Variants in ANKRD13C observed in about 807,000 individuals in gnomAD.
ANKRD13C encodes the protein ankyrin repeat domain-containing protein 13C.
ANKRD13C carries 16 observed loss-of-function variants against 65.5 expected under a neutral mutation model. The observed-to-expected ratio is 0.24, with a 90% CI of 0.17 to 0.37. The LOEUF is 0.37. Among genes scored for constraint, ANKRD13C ranks in the 10% least tolerant of loss-of-function variants. The pLI, the probability that ANKRD13C is intolerant of heterozygous loss-of-function variation, is 1.00. For synonymous variants in ANKRD13C, 235 were observed against 238.7 expected (o/e 0.98, Z 0.14); for missense variants, 503 against 655.9 (o/e 0.77, Z 2.55).
chr1:70,313,325 T>C (rs967790903), intron 5 of ANKRD13C, among the ~76,000 whole-genome samples: 2 of 152,042 alleles, frequency 1.3e-5, no homozygotes, highest in African/African-American at 4.8e-5. Context: ...GCCCAGGTGT[T>C]CTAGACCAGC....
At chr1:70,317,272 T>G (rs1004517931) in intron 3 of ANKRD13C, among the ~76,000 whole-genome samples, 1 of 152,192 alleles carries the variant, frequency 6.6e-6, no homozygotes, top group Non-Finnish European at 1.5e-5. Flanking sequence ...GGACCTAGTT[T>G]CAGTTCTACC....
At chr1:70,263,211 T>C (rs903761976) in intron 12 of ANKRD13C, among the ~76,000 whole-genome samples, 3 of 152,226 alleles carry the variant, frequency 2.0e-5, no homozygotes, top group African/African-American at 7.2e-5. Flanking sequence ...CTTCAGATTA[T>C]AGTATATTTA....
intron 3 of ANKRD13C, among the ~76,000 whole-genome samples, chr1:70,321,080 GA>G (rs1236906127): frequency 6.6e-6 from 1 of 152,122 alleles, no homozygotes; most frequent in Non-Finnish European, 1.5e-5. Flanking sequence ...GAAAAATTTT[GA>G]TTCTTGATAC....
chr1:70,320,187 G>T (rs1237262681), intron 3 of ANKRD13C, among the ~76,000 whole-genome samples: 2 of 152,210 alleles, frequency 1.3e-5, no homozygotes, highest in Admixed American at 1.3e-4. Context: ...AGACAAGGAA[G>T]TGATAGTATC....
intron 11 of ANKRD13C, among the ~76,000 whole-genome samples, chr1:70,272,283 T>C (rs1678921983): frequency 6.6e-6 from 1 of 151,750 alleles, no homozygotes; most frequent in Non-Finnish European, 1.5e-5. Flanking sequence ...TGGAGTGCAA[T>C]GGCGTGATGT....
intron 2 of ANKRD13C, among the ~76,000 whole-genome samples, chr1:70,326,273 T>G (rs970211072): frequency 1.5e-5 from 2 of 130,974 alleles, no homozygotes; most frequent in Admixed American, 8.0e-5. Context: ...AAGACAGCCA[T>G]CCATCCATTC....
intron 1 of ANKRD13C, among the ~76,000 whole-genome samples, chr1:70,343,506 G>A (rs747259280): frequency 6.6e-6 from 1 of 152,042 alleles, no homozygotes; most frequent in Admixed American, 6.6e-5. Context: ...TTGTTTTGTC[G>A]AACAAGTGAA....
chr1:70,322,973 A>T (rs146636434), intron 3 of ANKRD13C, among the ~76,000 whole-genome samples: 175 of 152,218 alleles, frequency 1.1e-3, no homozygotes, highest in African/African-American at 3.8e-3. Context: ...AGCCTGGGCA[A>T]CAAGGGTGGA....
intron 9 of ANKRD13C, among the ~76,000 whole-genome samples, chr1:70,278,925 G>A (rs1679260272): frequency 6.6e-6 from 1 of 152,106 alleles, no homozygotes; most frequent in South Asian, 2.1e-4. Context: ...TGCAGGTCAG[G>A]TGTGGTGCCT....
intron 5 of ANKRD13C, among the ~76,000 whole-genome samples, chr1:70,308,930 A>AT: frequency 6.6e-6 from 1 of 152,298 alleles, no homozygotes; most frequent in Admixed American, 6.5e-5. Context: ...TTACCTCAGC[A>AT]TAAGTTTAGC....
chr1:70,349,782 CAAG>C (rs989618826), intron 1 of ANKRD13C, among the ~76,000 whole-genome samples: 1 of 152,028 alleles, frequency 6.6e-6, no homozygotes, highest in African/African-American at 2.4e-5. Context: ...TAAATAAATA[CAAG>C]AAGGGATAGA....
chr1:70,325,214 A>G (rs1004518303), intron 2 of ANKRD13C, among the ~76,000 whole-genome samples: 1 of 152,158 alleles, frequency 6.6e-6, no homozygotes, highest in Admixed American at 6.6e-5. Context: ...CATGTTCCCT[A>G]ATAATTATTC....
chr1:70,339,226 C>G (rs868013476), intron 1 of ANKRD13C, among the ~76,000 whole-genome samples: 5 of 145,902 alleles, frequency 3.4e-5, no homozygotes, highest in African/African-American at 1.2e-4. Flanking sequence ...AAAAAAAAAG[C>G]AAACAAACTT....
intron 12 of ANKRD13C, among the ~76,000 whole-genome samples, chr1:70,265,255 G>C (rs1329962347): frequency 2.0e-5 from 3 of 152,134 alleles, no homozygotes; most frequent in Admixed American, 6.6e-5. Flanking sequence ...GCTCCAGAAG[G>C]AGCAGCCAGA....
At chr1:70,339,453 G>A (rs1440325544) in intron 1 of ANKRD13C, among the ~76,000 whole-genome samples, 3 of 151,182 alleles carry the variant, frequency 2.0e-5, no homozygotes, top group Non-Finnish European at 1.5e-5. Context: ...CAAGTAGCTG[G>A]GATTACAGGT....
At chr1:70,289,676 C>A (rs190737944) in intron 9 of ANKRD13C, among the ~76,000 whole-genome samples, 32 of 150,640 alleles carry the variant, frequency 2.1e-4, no homozygotes, top group Admixed American at 1.9e-3. Flanking sequence ...CGGGGTTTCA[C>A]CATGTTAGCC....
At chr1:70,347,450 A>G (rs928936012) in intron 1 of ANKRD13C, among the ~76,000 whole-genome samples, 3 of 152,172 alleles carry the variant, frequency 2.0e-5, no homozygotes, top group African/African-American at 4.8e-5. Context: ...CAATTCTCCA[A>G]TGAGTCCTCT....
rs540607150 is a variant in ANKRD13C, at chr1:70,297,843, G to A, written c.922-1582C>T. ...CAGGAGAATCACTTGAACCCGGGAG[G>A]TGGAGGTTGCGGTGAGCTGAGATCA... On this transcript the variant is annotated intron_variant, in intron 7 of 12. Coordinates refer to ENST00000370944, the MANE Select transcript of ANKRD13C (RefSeq NM_030816.5). 2.0e-5 allele frequency among the ~76,000 whole-genome samples: 3 copies of A among 150,722 alleles called. No homozygotes were observed. The East Asian group carries it at 6.0e-4, about 30-fold the overall frequency.
chr1:70,331,820 CAAAAA>C (rs10526340), intron 2 of ANKRD13C, among the ~76,000 whole-genome samples: 2 of 70,040 alleles, frequency 2.9e-5, no homozygotes, highest in East Asian at 1.0e-3. Context: ...AGACTCGACT[CAAAAA>C]AAAAAAAAAA....
Sources: gnomAD v4.1 joint callset for allele counts (sites outside exome capture counted in the v4.1 genomes callset) on GRCh38, gnomAD v4.1.1 for gene constraint, MANE v1.5 for transcripts, NCBI Gene and HGNC (gene_info 2026-07-23, HGNC 2026-07-21) for gene names.